Variants in RAB2A observed in about 807,000 individuals in gnomAD.
The protein encoded by RAB2A is ras-related protein Rab-2A.
A neutral mutation model predicts 32.5 loss-of-function variants in RAB2A; 7 were observed. The observed-to-expected ratio is 0.22, with a 90% CI of 0.12 to 0.40. RAB2A has a LOEUF of 0.40. RAB2A is among the 10% of genes least tolerant of loss of function. RAB2A has a pLI of 1.00. For missense variants in RAB2A, 108 were observed against 260.7 expected (o/e 0.41, Z 4.03); for synonymous variants, 79 against 85.2 (o/e 0.93, Z 0.40).
At chr8:60,592,701 G>T (rs1299662614) in intron 6 of RAB2A, among the ~76,000 whole-genome samples, 2 of 151,990 alleles carry the variant, frequency 1.3e-5, no homozygotes, top group African/African-American at 2.4e-5. Context: ...TGAACACAGT[G>T]TATTCTTTTA....
intron 5 of RAB2A, among the ~76,000 whole-genome samples, chr8:60,589,472 C>A (rs1259512883): frequency 6.6e-6 from 1 of 152,122 alleles, no homozygotes; most frequent in Non-Finnish European, 1.5e-5. Context: ...CAGTGAAGGG[C>A]AGTGACCTAG....
chr8:60,517,795 T>TTA (rs1432360755), intron 1 of RAB2A, among the ~76,000 whole-genome samples: 2 of 152,036 alleles, frequency 1.3e-5, no homozygotes, highest in Non-Finnish European at 2.9e-5. Context: ...AATATGTATT[T>TTA]TATATATATA....
At chr8:60,529,454 G>A (rs902758489) in intron 1 of RAB2A, among the ~76,000 whole-genome samples, 10 of 152,068 alleles carry the variant, frequency 6.6e-5, no homozygotes, top group Non-Finnish European at 1.2e-4. Flanking sequence ...TCCCCTCCCC[G>A]CGTGAATTTG....
chr8:60,600,821 G>A lies in RAB2A; in HGVS notation c.474+8852G>A, dbSNP rs867362945. On this transcript the variant is annotated intron_variant, in intron 6 of 7. Coordinates refer to ENST00000262646, the MANE Select transcript of RAB2A (RefSeq NM_002865.3). ...TTAGTGAATCAAGCCATTCTCAAAA[G>A]GTTGATCCTGTATTATCCCATCTGT... 2.2e-4 allele frequency among the ~76,000 whole-genome samples: 33 copies of A among 152,278 alleles called. 1 individual carries two copies. Among genetic ancestry groups the A allele is most frequent in the Admixed American group, 1.4e-3 (21 of 15,294 alleles).
chr8:60,579,788 C>T (rs375756795), intron 3 of RAB2A, among the ~76,000 whole-genome samples: 7 of 152,046 alleles, frequency 4.6e-5, no homozygotes, highest in South Asian at 2.1e-4. Context: ...CCACCAAGCC[C>T]GGCTAATTTT....
At position 60,620,785 on chromosome 8, in the gene RAB2A, C is replaced by A. The variant is rs780537404; in HGVS notation, c.*16C>A. 6.2e-7 allele frequency: 1 copy of A among 1,606,614 alleles called. No individual in the cohort carries two copies. Among genetic ancestry groups the A allele is most frequent in the Non-Finnish European group, 8.5e-7 (1 of 1,176,862 alleles). On this transcript the variant is annotated 3_prime_UTR_variant, in exon 8 of 8. Transcript: ENST00000262646. ...CTGCTGTTGAGTCTGTTTTTACTGTCTAGCTGCCCAACGGGGCCTACTCAC... is the reference window on the plus strand; with the variant it reads ...CTGCTGTTGAGTCTGTTTTTACTGTATAGCTGCCCAACGGGGCCTACTCAC...
chr8:60,517,318 G>A (rs79102981), intron 1 of RAB2A, 65 bp downstream of exon 1: 205,205 of 1,375,568 alleles, frequency 0.15, 16,552 homozygotes, highest in East Asian at 0.29. Context: ...AGGGGCAAAC[G>A]GCGTCTGGCG....
intron 3 of RAB2A, among the ~76,000 whole-genome samples, chr8:60,573,723 A>G (rs976935908): frequency 2.0e-5 from 3 of 152,204 alleles, no homozygotes; most frequent in Admixed American, 1.3e-4. Flanking sequence ...TTTCCTAGAG[A>G]TTTAAAATTA....
intron 6 of RAB2A, among the ~76,000 whole-genome samples, chr8:60,615,233 A>G (rs1034674643): frequency 3.3e-5 from 5 of 152,212 alleles, no homozygotes; most frequent in African/African-American, 1.2e-4. Flanking sequence ...GCTAAGGGTA[A>G]TTGAGTTTAA....
chr8:60,532,455 C>CATA (rs1489147300), intron 1 of RAB2A, among the ~76,000 whole-genome samples: 2 of 152,140 alleles, frequency 1.3e-5, no homozygotes, highest in African/African-American at 4.8e-5. Context: ...ATTTGTTATA[C>CATA]TTGCTCAGGA....
At chr8:60,545,263 C>T (rs150142541) in intron 1 of RAB2A, among the ~76,000 whole-genome samples, 1 of 152,108 alleles carries the variant, frequency 6.6e-6, no homozygotes, top group Admixed American at 6.5e-5. Flanking sequence ...CCACGAAAGA[C>T]GTGCTAAGTC....
At chr8:60,518,856 G>A (rs1807256765) in intron 1 of RAB2A, among the ~76,000 whole-genome samples, 1 of 152,198 alleles carries the variant, frequency 6.6e-6, no homozygotes, top group African/African-American at 2.4e-5. Flanking sequence ...TGTAATATGA[G>A]TGGGTTTGAG....
chr8:60,584,860 C>T (rs780169151), intron 5 of RAB2A, 45 bp downstream of exon 5: 14 of 1,356,690 alleles, frequency 1.0e-5, no homozygotes, highest in Middle Eastern at 1.8e-4. Context: ...GTGATGAAGA[C>T]TGTACTGTTT....
At chr8:60,613,650 A>G (rs1804399703) in intron 6 of RAB2A, among the ~76,000 whole-genome samples, 1 of 152,184 alleles carries the variant, frequency 6.6e-6, no homozygotes, top group African/African-American at 2.4e-5. Flanking sequence ...GTTCATTTTA[A>G]AGGTCTAACT....
In RAB2A at chr8:60,555,789, A is replaced by G. The variant is rs74845596; in HGVS notation, c.47-3063A>G. Among the ~76,000 whole-genome samples, 1,481 of 152,336 alleles carry G rather than the reference A, an allele frequency of 9.7e-3. 29 individuals are homozygous for G. Among genetic ancestry groups the G allele is most frequent in the African/African-American group, 0.034 (1,397 of 41,576 alleles). ...AATTATAGTCACTAAGAGAAACAATATCAAGATTCCTCCAAGAACTAAAAA... is the reference window on the plus strand; with the variant it reads ...AATTATAGTCACTAAGAGAAACAATGTCAAGATTCCTCCAAGAACTAAAAA... On this transcript the variant is annotated intron_variant, in intron 1 of 7. Transcript: ENST00000262646.
At chr8:60,605,832 C>CATATACATATATATATATATATATAT (rs1804220036) in intron 6 of RAB2A, among the ~76,000 whole-genome samples, 1 of 120,806 alleles carries the variant, frequency 8.3e-6, no homozygotes, top group African/African-American at 3.8e-5. Flanking sequence ...GGGACTAATA[C>CATATACATATATATATATATATATAT]ATATATACAT....
At chr8:60,601,280 T>C (rs1804130615) in intron 6 of RAB2A, among the ~76,000 whole-genome samples, 1 of 151,284 alleles carries the variant, frequency 6.6e-6, no homozygotes, top group Non-Finnish European at 1.5e-5. Context: ...CATATATGTT[T>C]AGCATATGCC....
intron 1 of RAB2A, among the ~76,000 whole-genome samples, chr8:60,553,420 A>G (rs1294427021): frequency 1.3e-5 from 2 of 152,222 alleles, no homozygotes; most frequent in African/African-American, 2.4e-5. Context: ...TGATTGCATA[A>G]CTAGGGTAGG....
intron 1 of RAB2A, among the ~76,000 whole-genome samples, chr8:60,554,198 A>G (rs1202592215): frequency 1.3e-5 from 2 of 152,214 alleles, no homozygotes; most frequent in Non-Finnish European, 2.9e-5. Flanking sequence ...AATAGGTTAG[A>G]AAGGCTGAAG....
Sources: allele counts gnomAD v4.1 joint callset (sites outside exome capture counted in the v4.1 genomes callset), GRCh38; gene constraint gnomAD v4.1.1; transcripts MANE v1.5; gene names NCBI Gene and HGNC (gene_info 2026-07-23, HGNC 2026-07-21).